The following RSF1 variants were observed in gnomAD, a reference collection of about 807,000 sequenced individuals.
RSF1 encodes the protein HBV pX-associated protein 8.
RSF1 carries 13 observed loss-of-function variants against 145.2 expected under a neutral mutation model. That is an observed-to-expected ratio of 0.09 (90% CI 0.06 to 0.14). The LOEUF (loss-of-function observed/expected upper bound fraction) is 0.14, where lower values mean the gene tolerates loss of function less well. Among genes scored for constraint, RSF1 ranks in the 10% least tolerant of loss-of-function variants. The pLI, the probability that RSF1 is intolerant of heterozygous loss-of-function variation, is 1.00. For missense variants in RSF1, 1,517 were observed against 1,718.2 expected (o/e 0.88, Z 2.07); for synonymous variants, 577 against 592.6 (o/e 0.97, Z 0.38).
rs1374148468 is a variant in RSF1 at position 77,698,642 on chromosome 11, A to G, written c.2560T>C (p.Trp854Arg). Residue 854 changes from tryptophan (W) to arginine (R), a missense_variant, in exon 7 of 16, where the codon TGG (tryptophan) becomes CGG (arginine). Coordinates refer to ENST00000308488, the MANE Select transcript of RSF1 (RefSeq NM_016578.4). The stretch of plus-strand genomic sequence containing the variant: ...CTTTCATCATTGCTGGAATATTTCC[A>G]TCTGCCACGTGTCCGAGAACCAGTC... ...RWTGSRTRGR[W>R]KYSSNDESEG... is the part of the protein sequence containing the mutation. 2 of 1,614,050 alleles carry G rather than the reference A, an allele frequency of 1.2e-6. No homozygotes were observed. The highest frequency in any genetic ancestry group is 1.7e-6 in the Non-Finnish European group (2 of 1,180,044).
rs1426761612 is a variant in RSF1 at position 77,702,069 on chromosome 11, C to T, written c.1160G>A (p.Arg387Gln). ...DQQAKIPLKKREIKLSDDFDS... is the reference protein window; with the variant it reads ...DQQAKIPLKKQEIKLSDDFDS... ...AAAATCATCACTCAGTTTAATTTCT[C>T]GTTTTTTTAGTGGTATCTTGGCCTG... is the stretch of plus-strand genomic sequence containing the variant. The change falls in exon 6 of 16, where the codon CGA becomes CAA. Residue 387 changes from arginine (R) to glutamine (Q), a missense_variant. Arg to Gln is a conservative substitution (Grantham distance 43, BLOSUM62 1). Coordinates refer to ENST00000308488, the MANE Select transcript of RSF1 (RefSeq NM_016578.4). 1.2e-6 allele frequency: 2 copies of T among 1,612,786 alleles called. No individual in the cohort carries two copies. Among genetic ancestry groups the T allele is most frequent in the Non-Finnish European group, 1.7e-6 (2 of 1,179,756 alleles).
At position 77,715,092 on chromosome 11, in the gene RSF1, C is replaced by A. The variant is rs1239725502; in HGVS notation, c.733+10453G>T. Among the ~76,000 whole-genome samples, 3 of 152,050 alleles carry A rather than the reference C, an allele frequency of 2.0e-5. No individual in the cohort carries two copies. In the East Asian group the frequency reaches 5.8e-4, roughly 29 times the overall value. ...TGATTTATGATCATGACACTGTATT[C>A]TATCCTGGGCAATTGAGCAAGACCT... is the stretch of plus-strand genomic sequence containing the variant. On this transcript the variant is annotated intron_variant, in intron 5 of 15. Transcript: ENST00000308488.
intron 1 of RSF1, among the ~76,000 whole-genome samples, chr11:77,764,976 G>A (rs745689630): frequency 6.6e-6 from 1 of 152,112 alleles, no homozygotes; most frequent in African/African-American, 2.4e-5. Flanking sequence ...ATAATTATAT[G>A]TCAATGTAGG....
Position 77,795,053 on chromosome 11 carries a change from CG to C in RSF1, c.187+25474del, listed in dbSNP as rs1364962109. On this transcript the variant is annotated intron_variant, in intron 1 of 15. Coordinates refer to ENST00000308488, the MANE Select transcript of RSF1 (RefSeq NM_016578.4). ...CAGTAGCATTTTTATACACCAATAA[CG>C]CAAGAGCGAAAAAGGAATCAAGAAG... Among the ~76,000 whole-genome samples the C allele has an allele frequency of 6.6e-5, 10 of 151,934 alleles. No individual in the cohort carries two copies. In the East Asian group the frequency reaches 1.7e-3, roughly 26 times the overall value.
the RSF1 span, chr11:77,841,041 G>A: frequency 1.7e-6 from 1 of 585,004 alleles, no homozygotes; most frequent in Non-Finnish European, 3.1e-6. Flanking sequence ...GGAAGTCCAA[G>A]ACCAGTTGGC....
rs750238852 is a variant in RSF1, at chr11:77,701,581, G to A, written c.1648C>T (p.Leu550Phe). The A allele has an allele frequency of 2.5e-6, 4 of 1,614,084 alleles. No individual in the cohort carries two copies. Among genetic ancestry groups the A allele is most frequent in the Non-Finnish European group, 2.5e-6 (3 of 1,180,000 alleles). The change falls in exon 6 of 16, where the codon CTC (leucine) becomes TTC (phenylalanine). Residue 550 changes from leucine (L) to phenylalanine (F), a missense_variant. By Grantham distance (22) the Leu-to-Phe change is conservative (BLOSUM62 0). Coordinates refer to ENST00000308488, the MANE Select transcript of RSF1 (RefSeq NM_016578.4). ...GAAGATAAAGCAGTTTTTGAAGAGAGATCTTTTGCCATCTCAGAAGAATCA... is the reference window on the plus strand; with the variant it reads ...GAAGATAAAGCAGTTTTTGAAGAGAAATCTTTTGCCATCTCAGAAGAATCA... ...SLDSSEMAKD[L>F]SSKTALSSTE...
intron 1 of RSF1, among the ~76,000 whole-genome samples, chr11:77,774,548 G>C (rs557643969): frequency 9.9e-5 from 15 of 150,892 alleles, no homozygotes; most frequent in African/African-American, 2.9e-4. Flanking sequence ...CTCCAGCCTG[G>C]CCACAGAGCG....
the RSF1 span, among the ~76,000 whole-genome samples, chr11:77,870,329 A>ATTTT: frequency 1.3e-4 from 11 of 87,980 alleles, no homozygotes; most frequent in Non-Finnish European, 1.8e-4. Context: ...CTATTTTTTA[A>ATTTT]TTTTTTTTTT....
chr11:77,668,229 T>C (rs2135806021), intron 15 of RSF1, among the ~76,000 whole-genome samples: 1 of 151,960 alleles, frequency 6.6e-6, no homozygotes, highest in Non-Finnish European at 1.5e-5. Context: ...CTCGAACTCC[T>C]GGCCTCAAGT....
Position 77,667,214 on chromosome 11 carries a change from T to A in RSF1, c.4029A>T (p.Ile1343=). 6.2e-7 allele frequency: 1 copy of A among 1,614,234 alleles called. No homozygotes were observed. The highest frequency in any genetic ancestry group is 8.5e-7 in the Non-Finnish European group (1 of 1,180,034). ...CAAAGTCCTCTTCCTCATCACTTTC[T>A]ATCCGGTAGGGCTTCTTGGTGCTCT... is the stretch of plus-strand genomic sequence containing the variant. The part of the protein sequence containing the change: ...EQESTKKPYR[I]ESDEEEDFEN... The change falls in exon 16 of 16, where the codon ATA becomes ATT. Residue 1343 remains isoleucine, a synonymous_variant. Coordinates refer to ENST00000308488, the MANE Select transcript of RSF1 (RefSeq NM_016578.4).
intron 5 of RSF1, among the ~76,000 whole-genome samples, chr11:77,713,201 T>G (rs140522247): frequency 0.014 from 2,065 of 152,356 alleles, 18 homozygotes; most frequent in Non-Finnish European, 0.02. Flanking sequence ...TCAGTCATTT[T>G]GGCTATCTAA....
chr11:77,778,325 T>C (rs938564949), intron 1 of RSF1, among the ~76,000 whole-genome samples: 4 of 151,296 alleles, frequency 2.6e-5, no homozygotes, highest in Admixed American at 6.6e-5. Flanking sequence ...ACAATGTTCC[T>C]AGCGGTGTTT....
chr11:77,840,973 C>T, the RSF1 span: 4 of 497,024 alleles, frequency 8.0e-6, no homozygotes, highest in Admixed American at 1.3e-4. Context: ...ATACCTGAAA[C>T]TGGGTAATTT....
intron 2 of RSF1, among the ~76,000 whole-genome samples, chr11:77,748,991 G>A (rs1167536717): frequency 6.6e-6 from 1 of 152,144 alleles, no homozygotes; most frequent in Non-Finnish European, 1.5e-5. Context: ...AAAGAAATGA[G>A]GTAATAATAT....
intron 9 of RSF1, among the ~76,000 whole-genome samples, chr11:77,686,539 T>A (rs1960012462): frequency 6.6e-6 from 1 of 151,878 alleles, no homozygotes; most frequent in African/African-American, 2.4e-5. Flanking sequence ...TCATTCTGTC[T>A]CTCTCTGCTT....
upstream of RSF1, among the ~76,000 whole-genome samples, chr11:77,824,919 T>G (rs1013090943): frequency 1.1e-4 from 16 of 152,212 alleles, no homozygotes; most frequent in African/African-American, 3.9e-4. Flanking sequence ...TTTATACAAA[T>G]TTATACACAT....
At position 77,701,391 on chromosome 11, in the gene RSF1, C is replaced by T. The variant is rs768474770; in HGVS notation, c.1838G>A (p.Ser613Asn). Residue 613 changes from serine to asparagine, a missense_variant, in exon 6 of 16, where the codon AGT (serine) becomes AAT (asparagine). By Grantham distance (46) the Ser-to-Asn change is conservative (BLOSUM62 1). Around this residue, in one of 12 missense-constraint regions of RSF1, gnomAD observed 579 missense variants for 553.5 expected, o/e 1.05. Transcript: ENST00000308488. Reference sequence around the variant, plus strand: ...GCCAGGCTTTTCTGACTCTAGAGTACTCTTTGGAACTTCTTCTGGTATTGG... The same window carrying T: ...GCCAGGCTTTTCTGACTCTAGAGTATTCTTTGGAACTTCTTCTGGTATTGG... ...LSPIPEEVPK[S>N]TLESEKPGSP... The T allele has an allele frequency of 1.2e-6, 2 of 1,613,952 alleles. No individual in the cohort carries two copies. The highest frequency in any genetic ancestry group is 2.2e-5 in the South Asian group (2 of 91,070).
Position 77,667,367 on chromosome 11 carries a change from T to C in RSF1, c.3876A>G (p.Glu1292=). 1 of 1,613,882 alleles carries C rather than the reference T, an allele frequency of 6.2e-7. No homozygotes were observed. The highest frequency in any genetic ancestry group is 8.5e-7 in the Non-Finnish European group (1 of 1,179,852). The change falls in exon 16 of 16, where the codon GAA becomes GAG. Residue 1292 remains glutamate (E), a synonymous_variant. Coordinates refer to ENST00000308488, the MANE Select transcript of RSF1 (RefSeq NM_016578.4). Reference sequence around the variant, plus strand: ...GTAGCCGTTTGCGGGATGGTTTGCCTTCCTCTTCCTCCTCCTCCTCATCTG... The same window carrying C: ...GTAGCCGTTTGCGGGATGGTTTGCCCTCCTCTTCCTCCTCCTCCTCATCTG... ...SEADEEEEEE[E]GKPSRKRLHR...
At chr11:77,724,694 C>T (rs888994753) in intron 5 of RSF1, among the ~76,000 whole-genome samples, 3 of 152,074 alleles carry the variant, frequency 2.0e-5, no homozygotes, top group African/African-American at 7.2e-5. Context: ...CTCAGATCAT[C>T]AAGCAGTAGA....
Sources: gnomAD v4.1 joint callset for allele counts (sites outside exome capture counted in the v4.1 genomes callset) on GRCh38, gnomAD v4.1.1 for gene constraint, gnomAD v4.1.1 regional missense constraint, MANE v1.5 for transcripts, NCBI Gene and HGNC (gene_info 2026-07-23, HGNC 2026-07-21) for gene names.